The following DNAH14 variants were observed in gnomAD, a reference collection of about 807,000 sequenced individuals.
The protein encoded by DNAH14 is dynein axonemal heavy chain 14.
DNAH14 carries 478 observed loss-of-function variants against 520.9 expected under a neutral mutation model. That is an observed-to-expected ratio of 0.92 (90% CI 0.85 to 0.99). The LOEUF is 0.99. Among genes scored for constraint, DNAH14 ranks in the 50% least tolerant of loss-of-function variants. The pLI is 0.00. For missense variants in DNAH14, 4,831 were observed against 5,234.5 expected (o/e 0.92, Z 2.38); for synonymous variants, 1,581 against 1,757.2 (o/e 0.90, Z 2.51).
At chr1:224,991,261 ATTTT>A (rs60395237) in intron 8 of DNAH14, among the ~76,000 whole-genome samples, 2 of 134,932 alleles carry the variant, frequency 1.5e-5, no homozygotes, top group Non-Finnish European at 3.2e-5. Flanking sequence ...TGCCCAGCTA[ATTTT>A]TTTTTTTTTT....
At position 225,335,662 on chromosome 1, in the gene DNAH14, CATATGTGCATATATGTATATACGCAT is replaced by C. The variant is rs2094973430; in HGVS notation, c.10081-1599_10081-1574del. On this transcript the variant is annotated intron_variant, in intron 66 of 85. Transcript: ENST00000682510. Reference sequence around the variant, plus strand: ...GCATATATGTATATACGCATATATACATATGTGCATATATGTATATACGCATATATACATATGTGCATATATGTATA... The same window carrying C: ...GCATATATGTATATACGCATATATACATATACATATGTGCATATATGTATA... Among the ~76,000 whole-genome samples the C allele has an allele frequency of 4.6e-5, 5 of 109,502 alleles. 1 individual carries two copies. The highest frequency in any genetic ancestry group is 8.2e-5 in the African/African-American group (2 of 24,312). The allele number at this position is 109,502 out of a possible 152,430, so 71.8% of individuals were successfully genotyped here. A position where few individuals can be genotyped will look rare whatever the true frequency, so the allele number is the denominator to read the frequency against.
intron 42 of DNAH14, among the ~76,000 whole-genome samples, chr1:225,234,672 C>T (rs2091434743): frequency 6.6e-6 from 1 of 152,148 alleles, no homozygotes; most frequent in South Asian, 2.1e-4. Context: ...TCTTCTTATC[C>T]ATGAGCATAG....
chr1:224,963,170 A>T (rs1380496862), intron 4 of DNAH14, among the ~76,000 whole-genome samples: 3 of 152,072 alleles, frequency 2.0e-5, no homozygotes, highest in Non-Finnish European at 4.4e-5. Context: ...AATATTTGGT[A>T]TAGTAATATC....
intron 11 of DNAH14, among the ~76,000 whole-genome samples, chr1:225,030,565 G>C (rs1421081378): frequency 6.6e-6 from 1 of 151,808 alleles, no homozygotes; most frequent in Non-Finnish European, 1.5e-5. Context: ...ATGGTGTCAG[G>C]TGTGGTTTGA....
intron 10 of DNAH14, among the ~76,000 whole-genome samples, chr1:225,015,509 T>C (rs1052408167): frequency 2.0e-5 from 3 of 152,178 alleles, no homozygotes; most frequent in African/African-American, 7.2e-5. Flanking sequence ...GTGGTTATCA[T>C]CTTTTCACTT....
intron 37 of DNAH14, among the ~76,000 whole-genome samples, chr1:225,189,482 A>T (rs1215747319): frequency 6.7e-6 from 1 of 149,972 alleles, no homozygotes; most frequent in East Asian, 2.0e-4. Context: ...GGTGGAATTT[A>T]TCTACCAGTT....
chr1:225,183,816 A>G (rs1299808133), intron 36 of DNAH14, among the ~76,000 whole-genome samples: 2 of 152,148 alleles, frequency 1.3e-5, no homozygotes, highest in African/African-American at 4.8e-5. Context: ...AAAATAGAAA[A>G]TCTAGAGGAA....
At chr1:225,308,177 G>A (rs887690422) in intron 59 of DNAH14, 108 bp from the exon 60 acceptor site, 2 of 1,171,698 alleles carry the variant, frequency 1.7e-6, no homozygotes, top group Non-Finnish European at 1.2e-6. Flanking sequence ...ATTTCAGGCT[G>A]ATTTTAGTAA....
At chr1:225,374,934 A>G in intron 78 of DNAH14, 49 bp downstream of exon 78, 1 of 1,434,174 alleles carries the variant, frequency 7.0e-7, no homozygotes, top group South Asian at 1.4e-5. Flanking sequence ...TTTAAAGTAA[A>G]CATTGTTGCT....
At chr1:225,208,841 T>C (rs557945721) in intron 41 of DNAH14, among the ~76,000 whole-genome samples, 20 of 152,320 alleles carry the variant, frequency 1.3e-4, no homozygotes, top group Admixed American at 1.3e-3. Flanking sequence ...TGTCCTCCAA[T>C]TTACTGATTC....
At chr1:225,110,363 A>AC (rs574384334) in intron 23 of DNAH14, among the ~76,000 whole-genome samples, 12,291 of 151,858 alleles carry the variant, frequency 0.081, 1,588 homozygotes, top group African/African-American at 0.28. Context: ...ACTTGTTATT[A>AC]GTCTGTTCAG....
intron 43 of DNAH14, among the ~76,000 whole-genome samples, chr1:225,244,288 A>C (rs12401992): frequency 1.3e-5 from 2 of 152,158 alleles, no homozygotes; most frequent in Non-Finnish European, 2.9e-5. Flanking sequence ...ATCGATGTTC[A>C]TCAGGGATAT....
intron 81 of DNAH14, among the ~76,000 whole-genome samples, chr1:225,384,931 A>G (rs150102762): frequency 0.012 from 1,895 of 152,348 alleles, 42 homozygotes; most frequent in African/African-American, 0.042. Context: ...ACAAAAAAAG[A>G]GAATTTTAGA....
At chr1:224,931,278 C>T (rs2058681391) in intron 1 of DNAH14, among the ~76,000 whole-genome samples, 1 of 151,926 alleles carries the variant, frequency 6.6e-6, no homozygotes, top group Non-Finnish European at 1.5e-5. Context: ...AGTGTTATTA[C>T]AAAAGAGTAA....
Position 225,051,568 on chromosome 1 carries a change from T to C in DNAH14, c.2197T>C (p.Ser733Pro), listed in dbSNP as rs1394574565. The change falls in exon 17 of 86, where the codon TCA (serine) becomes CCA (proline). Residue 733 changes from serine (S) to proline (P), a missense_variant. Physicochemically the swap from Ser to Pro is moderately conservative, Grantham distance 74. Coordinates refer to ENST00000682510, the MANE Select transcript of DNAH14 (RefSeq NM_001367479.1). Reference sequence around the variant, plus strand: ...GGCCAAAATCATGAGTATGAAAATATCATCTATGGGAGAATTAACTTCAAA... The same window carrying C: ...GGCCAAAATCATGAGTATGAAAATACCATCTATGGGAGAATTAACTTCAAA... The part of the protein sequence containing the change: ...EKAKIMSMKI[S>P]SMGELTSKEF... The C allele has an allele frequency of 2.6e-6, 4 of 1,551,050 alleles. No homozygotes were observed. Among genetic ancestry groups the C allele is most frequent in the East Asian group, 4.9e-5 (2 of 40,798 alleles).
chr1:224,966,363 C>T (rs1376421135), intron 5 of DNAH14, among the ~76,000 whole-genome samples: 1 of 152,136 alleles, frequency 6.6e-6, no homozygotes, highest in Non-Finnish European at 1.5e-5. Flanking sequence ...CTTCTGAGGA[C>T]ATCACTAAAT....
At chr1:225,191,311 C>T (rs1244479988) in intron 37 of DNAH14, among the ~76,000 whole-genome samples, 1 of 151,868 alleles carries the variant, frequency 6.6e-6, no homozygotes, top group African/African-American at 2.4e-5. Flanking sequence ...TTAGTTTCTC[C>T]CTCACTTTCA....
chr1:225,155,019 A>C (rs1019785299), intron 34 of DNAH14, among the ~76,000 whole-genome samples: 4 of 152,130 alleles, frequency 2.6e-5, no homozygotes, highest in African/African-American at 9.7e-5. Flanking sequence ...AAGTGCCTTA[A>C]ATATATGAAA....
chr1:225,007,255 A>G (rs1368508556), intron 9 of DNAH14, among the ~76,000 whole-genome samples, 158 bp from the exon 10 acceptor site: 2 of 152,238 alleles, frequency 1.3e-5, no homozygotes, highest in African/African-American at 2.4e-5. Flanking sequence ...AGATTTAACA[A>G]GTGTTTAAAT....
Sources: gnomAD v4.1 joint callset for allele counts (sites outside exome capture counted in the v4.1 genomes callset) on GRCh38, gnomAD v4.1.1 for gene constraint, MANE v1.5 for transcripts, NCBI Gene and HGNC (gene_info 2026-07-23, HGNC 2026-07-21) for gene names.